The following PRPF4 variants were observed in gnomAD, a reference collection of about 807,000 sequenced individuals.
PRPF4 encodes pre-mRNA splicing tri-snRNP complex factor PRPF4, also known as U4/U6 small nuclear ribonucleoprotein Prp4.
Under a neutral mutation model 72.2 loss-of-function variants are expected in PRPF4, and 14 were observed. The ratio of observed to expected loss-of-function variants is 0.19; its 90% CI spans 0.13 to 0.30. PRPF4 has a LOEUF of 0.30. Among genes scored for constraint, PRPF4 ranks in the 10% least tolerant of loss-of-function variants. PRPF4 has a pLI of 1.00. For synonymous variants in PRPF4, 225 were observed against 232.2 expected (o/e 0.97, Z 0.28); for missense variants, 478 against 653.9 (o/e 0.73, Z 2.93).
intron 7 of PRPF4, among the ~76,000 whole-genome samples, chr9:113,285,008 G>GACT (rs1832392974): frequency 6.6e-6 from 1 of 152,032 alleles, no homozygotes; most frequent in African/African-American, 2.4e-5. Context: ...GGAGCTACTT[G>GACT]ACTAGGCTGA....
Position 113,290,595 on chromosome 9 carries a change from C to A in PRPF4, c.1145+7C>A. On this transcript the variant is annotated splice_region_variant and intron_variant, in intron 11 of 13. Transcript: ENST00000374198. ...GCTCTTTGGCTGGCACTGGGTAAGG[C>A]TTCTCCCATGTAGTCAGGGGCAGTT... The A allele has an allele frequency of 6.2e-7, 1 of 1,614,118 alleles. No homozygotes were observed. Among genetic ancestry groups the A allele is most frequent in the Non-Finnish European group, 8.5e-7 (1 of 1,180,018 alleles).
In PRPF4 at chr9:113,285,343, A is replaced by ATTTTTTTTT. The variant is rs71367713; in HGVS notation, c.750-844_750-836dup. 3.6e-4 allele frequency among the ~76,000 whole-genome samples: 24 copies of ATTTTTTTTT among 67,578 alleles called. 1 individual carries two copies. The highest frequency in any genetic ancestry group is 5.6e-4 in the Non-Finnish European group (19 of 34,182). The allele number at this position is 67,578 out of a possible 152,430, so 44.3% of individuals were successfully genotyped here. ...CAATAGTGAGACCCTGTCTCTACAA[A>ATTTTTTTTT]TTTTTTTTTTTTTTTTTTTTTTTTT... On this transcript the variant is annotated intron_variant, in intron 7 of 13. Transcript: ENST00000374198.
At chr9:113,285,017 G>C (rs1047368258) in intron 7 of PRPF4, among the ~76,000 whole-genome samples, 7 of 152,044 alleles carry the variant, frequency 4.6e-5, no homozygotes, top group African/African-American at 1.7e-4. Context: ...TGACTAGGCT[G>C]ACCTTTAGAT....
intron 3 of PRPF4, among the ~76,000 whole-genome samples, chr9:113,282,114 A>G (rs987717430): frequency 5.9e-5 from 9 of 152,218 alleles, no homozygotes; most frequent in African/African-American, 1.9e-4. Flanking sequence ...AAATTTCCAA[A>G]TAGAGAAGAC....
chr9:113,283,446 G>C lies in PRPF4; in HGVS notation c.618G>C (p.Arg206Ser). 2.5e-6 allele frequency: 4 copies of C among 1,614,098 alleles called. No homozygotes were observed. Among genetic ancestry groups the C allele is most frequent in the Non-Finnish European group, 3.4e-6 (4 of 1,179,998 alleles). ...RLHKEIPETTRTSQMQELHKS... is the reference protein window; with the variant it reads ...RLHKEIPETTSTSQMQELHKS... Reference sequence around the variant, plus strand: ...ATAAGGAGATTCCTGAGACAACAAGGACCTCCCAGATGCAAGAGCTGCACA... The same window carrying C: ...ATAAGGAGATTCCTGAGACAACAAGCACCTCCCAGATGCAAGAGCTGCACA... Residue 206 changes from arginine to serine, a missense_variant, in exon 6 of 14, where the codon AGG (arginine) becomes AGC (serine). By Grantham distance (110) the Arg-to-Ser change is moderately radical. Transcript: ENST00000374198.
chr9:113,284,466 C>A, intron 7 of PRPF4, 77 bp downstream of exon 7: 2 of 1,229,494 alleles, frequency 1.6e-6, no homozygotes, highest in Non-Finnish European at 2.4e-6. Flanking sequence ...TTGCGTTAGA[C>A]GTCTATTTCT....
chr9:113,291,375 A>T (rs567615876), intron 13 of PRPF4, 92 bp from the exon 14 acceptor site: 16 of 1,333,390 alleles, frequency 1.2e-5, no homozygotes, highest in South Asian at 2.9e-5. Flanking sequence ...AAGTTTTTTT[A>T]AAAATAGTAT....
At chr9:113,276,065 C>T (rs1832084401) in intron 1 of PRPF4, among the ~76,000 whole-genome samples, 1 of 152,232 alleles carries the variant, frequency 6.6e-6, no homozygotes, top group African/African-American at 2.4e-5. Context: ...AGGTTTATGC[C>T]TTTGGCAGAT....
At chr9:113,286,085 C>A in intron 7 of PRPF4, 147 bp from the exon 8 acceptor site, 1 of 881,222 alleles carries the variant, frequency 1.1e-6, no homozygotes, top group East Asian at 2.5e-5. Context: ...CTTCTATAAC[C>A]CTTCTAACTA....
chr9:113,281,649 T>A (rs1200574008), intron 3 of PRPF4, among the ~76,000 whole-genome samples: 2 of 152,228 alleles, frequency 1.3e-5, no homozygotes, highest in Admixed American at 1.3e-4. Context: ...CCATATTGAA[T>A]TATTTGTGAC....
At chr9:113,286,164 A>C (rs759002425) in intron 7 of PRPF4, 68 bp from the exon 8 acceptor site, 2 of 1,535,366 alleles carry the variant, frequency 1.3e-6, no homozygotes, top group Non-Finnish European at 1.8e-6. Context: ...TCCTTTAGTA[A>C]TATTACCAAG....
intron 3 of PRPF4, among the ~76,000 whole-genome samples, chr9:113,280,846 T>C (rs1476920778): frequency 1.3e-5 from 2 of 151,536 alleles, no homozygotes; most frequent in Non-Finnish European, 2.9e-5. Context: ...TTTTTCTTCC[T>C]TTTTTTTTCT....
intron 6 of PRPF4, among the ~76,000 whole-genome samples, chr9:113,284,067 C>CAA (rs538497931): frequency 1.1e-3 from 85 of 80,130 alleles, no homozygotes; most frequent in African/African-American, 3.5e-3. Flanking sequence ...GACTCTGTCT[C>CAA]AAAAAAAAAA....
Position 113,291,031 on chromosome 9 carries a change from T to C in PRPF4, c.1372+15T>C, listed in dbSNP as rs532779672. 6.3e-7 allele frequency: 1 copy of C among 1,598,460 alleles called. No individual in the cohort carries two copies. Among genetic ancestry groups the C allele is most frequent in the African/African-American group, 1.3e-5 (1 of 74,680 alleles). On this transcript the variant is annotated intron_variant, in intron 13 of 13. Transcript: ENST00000374198. ...CAAGTTTGAGCGTAAGCTTTCCTCC[T>C]ATTTTACGTCTAAATGACACAGACA...
In PRPF4 at chr9:113,291,028, T is replaced by G. The variant is rs1832594649; in HGVS notation, c.1372+12T>G. 3 of 1,603,028 alleles carry G rather than the reference T, an allele frequency of 1.9e-6. No homozygotes were observed. Among genetic ancestry groups the G allele is most frequent in the Non-Finnish European group, 2.6e-6 (3 of 1,170,002 alleles). The stretch of plus-strand genomic sequence containing the variant: ...TGTCAAGTTTGAGCGTAAGCTTTCC[T>G]CCTATTTTACGTCTAAATGACACAG... On this transcript the variant is annotated intron_variant, in intron 13 of 13. Coordinates refer to ENST00000374198, the MANE Select transcript of PRPF4 (RefSeq NM_001244926.2).
chr9:113,279,827 T>C (rs1832222273), intron 3 of PRPF4, among the ~76,000 whole-genome samples: 1 of 152,226 alleles, frequency 6.6e-6, no homozygotes, highest in Non-Finnish European at 1.5e-5. Flanking sequence ...ATCAATGACA[T>C]AGAACAATGA....
intron 1 of PRPF4, among the ~76,000 whole-genome samples, chr9:113,276,265 G>A (rs1240710173): frequency 1.3e-5 from 2 of 152,178 alleles, no homozygotes; most frequent in African/African-American, 2.4e-5. Context: ...CACTTCCAAC[G>A]GAATGAAGTA....
chr9:113,291,467 C>G lies in PRPF4; in HGVS notation c.1373C>G (p.Pro458Arg). 3 of 1,610,752 alleles carry G rather than the reference C, an allele frequency of 1.9e-6. No individual in the cohort carries two copies. The highest frequency in any genetic ancestry group is 1.1e-5 in the South Asian group (1 of 90,948). Residue 458 changes from proline (P) to arginine (R), a missense_variant and splice_region_variant, in exon 14 of 14, where the codon CCT (proline) becomes CGT (arginine). Coordinates refer to ENST00000374198, the MANE Select transcript of PRPF4 (RefSeq NM_001244926.2). ...QNLVTGVKFE[P>R]IHGNFLLTGA... The stretch of plus-strand genomic sequence containing the variant: ...CAATTCCCCTTCTCTTCTCCTGTAG[C>G]TATCCATGGGAACTTCTTGCTTACT...
chr9:113,276,836 A>G lies in PRPF4; in HGVS notation c.205+111A>G. On this transcript the variant is annotated intron_variant, in intron 2 of 13. Transcript: ENST00000374198. ...AAAAATTACAATTTTTTTTTTTTTA[A>G]ACAGAGTCTCGCTCTGTCGCCAGGC... 3 of 1,243,798 alleles carry G rather than the reference A, an allele frequency of 2.4e-6. No homozygotes were observed. In the East Asian group the frequency reaches 7.3e-5, roughly 30 times the overall value. The allele number at this position is 1,243,798 out of a possible 1,614,324, so 77.0% of individuals were successfully genotyped here.
Sources: gnomAD v4.1 joint callset for allele counts (sites outside exome capture counted in the v4.1 genomes callset) on GRCh38, gnomAD v4.1.1 for gene constraint, MANE v1.5 for transcripts, NCBI Gene and HGNC (gene_info 2026-07-23, HGNC 2026-07-21) for gene names.